The following MPDZ variants were observed in gnomAD, a reference collection of about 807,000 sequenced individuals.
MPDZ encodes multiple PDZ domain protein.
MPDZ carries 234 observed loss-of-function variants against 239.1 expected under a neutral mutation model. That is an observed-to-expected ratio of 0.98 (90% confidence interval 0.88 to 1.09). The LOEUF (loss-of-function observed/expected upper bound fraction) is 1.09. MPDZ is among the 50% of genes least tolerant of loss of function. MPDZ has a pLI of 0.00. For missense variants in MPDZ, 3,175 were observed against 2,510.0 expected, an observed-to-expected ratio of 1.26 and a Z score of -5.66; for synonymous variants, 1,048 against 881.3, an observed-to-expected ratio of 1.19 and a Z score of -3.35.
At chr9:13,278,843 G>A (rs1157803178) in intron 1 of MPDZ, among the ~76,000 whole-genome samples, 1 of 152,070 alleles carries the variant, frequency 6.6e-6, no homozygotes, top group East Asian at 2.0e-4. Flanking sequence ...ACCGCAACCC[G>A]CACATCCCGG....
intron 3 of MPDZ, among the ~76,000 whole-genome samples, chr9:13,239,091 T>C (rs1391561361): frequency 1.3e-5 from 2 of 152,178 alleles, no homozygotes; most frequent in Non-Finnish European, 2.9e-5. Context: ...ATATATGTCT[T>C]GAGAATAAAT....
At chr9:13,269,994 T>A (rs757790240) in intron 1 of MPDZ, among the ~76,000 whole-genome samples, 126 of 152,338 alleles carry the variant, frequency 8.3e-4, no homozygotes, top group Non-Finnish European at 4.9e-4. Context: ...CACTATTTAG[T>A]TACCATATGT....
At chr9:13,258,993 G>A (rs953960870) in intron 1 of MPDZ, among the ~76,000 whole-genome samples, 1 of 151,728 alleles carries the variant, frequency 6.6e-6, no homozygotes, top group Non-Finnish European at 1.5e-5. Flanking sequence ...ACCGAGGCAG[G>A]AGAATCGCTT....
At chr9:13,118,804 T>A (rs1392590379) in intron 39 of MPDZ, among the ~76,000 whole-genome samples, 1 of 152,190 alleles carries the variant, frequency 6.6e-6, no homozygotes, top group Non-Finnish European at 1.5e-5. Flanking sequence ...GCCTTTCCAA[T>A]CAGAAAATGA....
intron 21 of MPDZ, among the ~76,000 whole-genome samples, chr9:13,169,793 TG>T (rs1173640023): frequency 6.6e-6 from 1 of 152,200 alleles, no homozygotes; most frequent in East Asian, 1.9e-4. Flanking sequence ...TGTGCATCCT[TG>T]CTTTGTGTTA....
intron 3 of MPDZ, among the ~76,000 whole-genome samples, chr9:13,233,215 C>G (rs1963021906): frequency 6.6e-6 from 1 of 152,056 alleles, no homozygotes; most frequent in Non-Finnish European, 1.5e-5. Context: ...AAGAGAAATA[C>G]ACACTTATGA....
intron 24 of MPDZ, among the ~76,000 whole-genome samples, chr9:13,152,622 A>G (rs1468092577): frequency 2.0e-5 from 3 of 151,880 alleles, no homozygotes; most frequent in African/African-American, 4.8e-5. Flanking sequence ...GGGTACGTCT[A>G]TATCAGCAGC....
intron 38 of MPDZ, 197 bp from the exon 39 acceptor site, chr9:13,119,846 T>A: frequency 1.7e-6 from 1 of 600,248 alleles, no homozygotes; most frequent in Admixed American, 2.9e-5. Context: ...CAGTGCTTCA[T>A]AGATTAAAAT....
chr9:13,271,314 C>G (rs1307968549), intron 1 of MPDZ, among the ~76,000 whole-genome samples: 1 of 152,094 alleles, frequency 6.6e-6, no homozygotes, highest in African/African-American at 2.4e-5. Flanking sequence ...ACAGTTGAAT[C>G]CAAAGGGGAT....
intron 3 of MPDZ, among the ~76,000 whole-genome samples, chr9:13,230,241 C>T (rs1166816377): frequency 6.6e-6 from 1 of 152,106 alleles, no homozygotes; most frequent in African/African-American, 2.4e-5. Context: ...AAAATAGTTT[C>T]GCAGTTTCTA....
intron 19 of MPDZ, among the ~76,000 whole-genome samples, chr9:13,180,489 A>C (rs1311574322): frequency 1.3e-5 from 2 of 152,144 alleles, no homozygotes; most frequent in Non-Finnish European, 2.9e-5. Flanking sequence ...AAGGAGTAGA[A>C]GGGGAAACTT....
At chr9:13,247,244 C>T (rs1966769468) in intron 3 of MPDZ, among the ~76,000 whole-genome samples, 1 of 152,154 alleles carries the variant, frequency 6.6e-6, no homozygotes. Context: ...CAAATCCACG[C>T]TTATCTGAAA....
At chr9:13,132,219 T>C (rs1270868168) in intron 32 of MPDZ, among the ~76,000 whole-genome samples, 1 of 152,188 alleles carries the variant, frequency 6.6e-6, no homozygotes, top group Non-Finnish European at 1.5e-5. Context: ...AGCTTTTATA[T>C]TGCAGAATGA....
At chr9:13,264,150 A>T (rs2138898037) in intron 1 of MPDZ, among the ~76,000 whole-genome samples, 1 of 152,316 alleles carries the variant, frequency 6.6e-6, no homozygotes, top group Non-Finnish European at 1.5e-5. Context: ...CTTATATAAC[A>T]AATGTATTTA....
At chr9:13,224,687 C>G (rs2136401366) in intron 3 of MPDZ, 104 bp from the exon 4 acceptor site, 2 of 765,668 alleles carry the variant, frequency 2.6e-6, no homozygotes, top group Admixed American at 3.0e-5. Flanking sequence ...TTCAAAATGT[C>G]CAAATCCTTT....
chr9:13,254,689 G>A (rs571705403), intron 1 of MPDZ, among the ~76,000 whole-genome samples: 8 of 152,244 alleles, frequency 5.3e-5, no homozygotes, highest in East Asian at 1.9e-4. Context: ...TTCTCAGTGC[G>A]TACAAAAGTC....
chr9:13,167,314 C>T (rs891879102), intron 22 of MPDZ, among the ~76,000 whole-genome samples: 2 of 151,886 alleles, frequency 1.3e-5, no homozygotes, highest in Non-Finnish European at 2.9e-5. Flanking sequence ...CAACTGTAAA[C>T]AAAAGTCAAA....
intron 3 of MPDZ, among the ~76,000 whole-genome samples, chr9:13,225,108 G>T (rs1437972426): frequency 6.6e-6 from 1 of 151,918 alleles, no homozygotes; most frequent in African/African-American, 2.4e-5. Flanking sequence ...CCAAGATCAG[G>T]TAATCTTCCT....
rs545433258 is a variant in MPDZ, at chr9:13,224,199, G to A, written c.393+175C>T. ...CATATAATACTCAAATTTAAATGAT[G>A]ATAAAACTGTAATAGAAAACGTCTG... On this transcript the variant is annotated intron_variant, in intron 4 of 46. Coordinates refer to ENST00000319217, the MANE Select transcript of MPDZ (RefSeq NM_001378778.1). 1.9e-3 allele frequency among the ~76,000 whole-genome samples: 294 copies of A among 152,102 alleles called. 4 individuals are homozygous for A. Among genetic ancestry groups the A allele is most frequent in the African/African-American group, 6.6e-3 (273 of 41,508 alleles).
Sources: allele counts gnomAD v4.1 joint callset (sites outside exome capture counted in the v4.1 genomes callset), GRCh38; gene constraint gnomAD v4.1.1; transcripts MANE v1.5; gene names NCBI Gene and HGNC (gene_info 2026-07-23, HGNC 2026-07-21).